Variants in CRACR2B observed in about 807,000 individuals in gnomAD.
CRACR2B encodes the protein EF-hand calcium-binding domain-containing protein 4A.
In CRACR2B, 50 loss-of-function variants were observed where a neutral mutation model predicts 46.0. The observed-to-expected ratio is 1.09, with a 90% CI of 0.87 to 1.38. The LOEUF is 1.38. CRACR2B is among the 40% of genes most tolerant of loss of function. The pLI, the probability that CRACR2B is intolerant of heterozygous loss-of-function variation, is 0.00. For missense variants in CRACR2B, 667 were observed against 535.0 expected, an observed-to-expected ratio of 1.25 and a Z score of -2.43; for synonymous variants, 277 against 239.6, an observed-to-expected ratio of 1.16 and a Z score of -1.44.
rs35878786 is a variant in CRACR2B at position 830,601 on chromosome 11, T to TGGTC, written c.694-19_694-16dup. 78,198 of 1,549,038 alleles carry TGGTC rather than the reference T, an allele frequency of 0.05. 3,021 individuals are homozygous for TGGTC. The highest frequency in any genetic ancestry group is 0.19 in the African/African-American group (14,250 of 73,106). ...GGCCGAGCGGCCGGCGGAGGCTCAG[T>TGGTC]GGTCCTCCGTGCGTCCCAGAACTTC... On this transcript the variant is annotated intron_variant, in intron 5 of 8. Transcript: ENST00000525077.
intron 3 of CRACR2B, chr11:829,743 T>C: frequency 2.0e-6 from 2 of 1,005,762 alleles, no homozygotes; most frequent in Non-Finnish European, 1.4e-6. Context: ...CAGCCAGGGC[T>C]GCAGGGAGGA....
chr11:826,956 C>A (rs1388151321), upstream of CRACR2B, among the ~76,000 whole-genome samples: 3 of 152,254 alleles, frequency 2.0e-5, no homozygotes, highest in Non-Finnish European at 4.4e-5. Context: ...TTAAGTCGGG[C>A]TCCCCCCGGA....
In CRACR2B at chr11:828,942, AGGGAGTTCTGCCT is replaced by A. The variant is rs766562819; in HGVS notation, c.260_272del (p.Glu87AlafsTer67). ...GGCTCACACTGGCTTCCTCACCGCC[AGGGAGTTCTGCCT>A]GGGCCTGGGTGAGCCTGTGGCCTGC... On this transcript the variant is annotated frameshift_variant, in exon 2 of 9. Coordinates refer to ENST00000525077, the MANE Select transcript of CRACR2B (RefSeq NM_001286606.2). LOFTEE classifies it high-confidence loss of function. The A allele has an allele frequency of 6.2e-7, 1 of 1,605,518 alleles. No homozygotes were observed. The highest frequency in any genetic ancestry group is 1.3e-5 in the African/African-American group (1 of 74,924).
In CRACR2B at chr11:827,928, G is replaced by A. The variant is rs916920670; in HGVS notation, c.-680G>A. ...AACGGGGAAGGGCCTCAGTGTTGTG[G>A]GGCAAGGGTGTTAGGTCTCGAATCT... On this transcript the variant is annotated 5_prime_UTR_variant, in exon 1 of 9. Coordinates refer to ENST00000525077, the MANE Select transcript of CRACR2B (RefSeq NM_001286606.2). Among the ~76,000 whole-genome samples the A allele has an allele frequency of 2.6e-5, 4 of 152,338 alleles. No individual in the cohort carries two copies. In the East Asian group the frequency reaches 5.8e-4, roughly 22 times the overall value.
chr11:829,016 G>A (rs1846148895), intron 2 of CRACR2B, 53 bp downstream of exon 2: 8 of 1,589,220 alleles, frequency 5.0e-6, no homozygotes, highest in Non-Finnish European at 6.8e-6. Context: ...GGCCTGATCA[G>A]GAGGCCTGGC....
At position 828,332 on chromosome 11, in the gene CRACR2B, G is replaced by C. The variant is rs898554496; in HGVS notation, c.-276G>C. 6 of 429,998 alleles carry C rather than the reference G, an allele frequency of 1.4e-5. No homozygotes were observed. The highest frequency in any genetic ancestry group is 2.5e-5 in the Non-Finnish European group (6 of 243,146). 26.6% of individuals were successfully genotyped at this position (429,998 alleles called of 1,614,324 possible). On this transcript the variant is annotated 5_prime_UTR_variant, in exon 1 of 9. Transcript: ENST00000525077. ...CTCCTGAAGTTGGCAGCCCCTCCTG[G>C]GTTCCAGCCTCCTGAGATGCCAGAC...
At position 830,132 on chromosome 11, in the gene CRACR2B, G is replaced by C. The variant is rs1425367327; in HGVS notation, c.605G>C (p.Arg202Thr). 6.5e-7 allele frequency: 1 copy of C among 1,531,912 alleles called. No individual in the cohort carries two copies. 94.9% of individuals were successfully genotyped at this position (1,531,912 alleles called of 1,614,324 possible). ...GACGGCCTGGAGCAGGCGCTGCGGA[G>C]GTGAGGGCCGGGGTGGGGTATGGGG... ...ERDGLEQALR[R>T]RESEHEREVR... Residue 202 changes from arginine to threonine, a missense_variant and splice_region_variant, in exon 4 of 9, where the codon AGG becomes ACG. Coordinates refer to ENST00000525077, the MANE Select transcript of CRACR2B (RefSeq NM_001286606.2).
intron 5 of CRACR2B, 103 bp from the exon 6 acceptor site, chr11:830,518 A>C: frequency 2.6e-6 from 4 of 1,540,630 alleles, no homozygotes; most frequent in Admixed American, 2.0e-5. Flanking sequence ...TCTCCACCCG[A>C]CCCCGCTCCG....
rs745508251 is a variant in CRACR2B at position 828,600 on chromosome 11, C to T, written c.-8C>T. ...CACCTGAAGGCCAGGCTGAGGCCCCCTGCTCTCATGGCCAGCCCTGGAAAG... is the reference window on the plus strand; with the variant it reads ...CACCTGAAGGCCAGGCTGAGGCCCCTTGCTCTCATGGCCAGCCCTGGAAAG... On this transcript the variant is annotated 5_prime_UTR_variant, in exon 1 of 9. Transcript: ENST00000525077. The T allele has an allele frequency of 4.4e-6, 7 of 1,584,350 alleles. No homozygotes were observed. The highest frequency in any genetic ancestry group is 2.0e-4 in the Middle Eastern group (1 of 4,954).
At chr11:829,158 C>G in intron 2 of CRACR2B, 195 bp downstream of exon 2, 8 of 1,306,624 alleles carry the variant, frequency 6.1e-6, no homozygotes, top group Non-Finnish European at 8.5e-6. Context: ...TCCTGGCCCC[C>G]AGCTCCTCTC....
chr11:828,079 C>T lies in CRACR2B; in HGVS notation c.-529C>T, dbSNP rs1445995168. ...GGGCAGGAGGGAGAAGTCTGCCCTG[C>T]CTGCCAGCTGTCATGAGGCTGGGCC... On this transcript the variant is annotated 5_prime_UTR_variant, in exon 1 of 9. Coordinates refer to ENST00000525077, the MANE Select transcript of CRACR2B (RefSeq NM_001286606.2). Among the ~76,000 whole-genome samples the T allele has an allele frequency of 6.6e-6, 1 of 152,104 alleles. No individual in the cohort carries two copies. Among genetic ancestry groups the T allele is most frequent in the African/African-American group, 2.4e-5 (1 of 41,402 alleles).
Position 828,407 on chromosome 11 carries a change from G to A in CRACR2B, c.-201G>A. On this transcript the variant is annotated 5_prime_UTR_variant, in exon 1 of 9. An upstream open reading frame in the 5' UTR loses its in-frame stop. Coordinates refer to ENST00000525077, the MANE Select transcript of CRACR2B (RefSeq NM_001286606.2). ...CTGAGCCTACATCAACCACCCCAGTGACACCCCAAGCCTGCAGCATTTTCC... is the reference window on the plus strand; with the variant it reads ...CTGAGCCTACATCAACCACCCCAGTAACACCCCAAGCCTGCAGCATTTTCC... 1 of 602,338 alleles carries A rather than the reference G, an allele frequency of 1.7e-6. No individual in the cohort carries two copies. Among genetic ancestry groups the A allele is most frequent in the Non-Finnish European group, 2.8e-6 (1 of 358,756 alleles). 37.3% of individuals were successfully genotyped at this position (602,338 alleles called of 1,614,324 possible).
In CRACR2B at chr11:830,130, G is replaced by A. The variant is rs1477379617; in HGVS notation, c.603G>A (p.Arg201=). 3.3e-6 allele frequency: 5 copies of A among 1,533,416 alleles called. No individual in the cohort carries two copies. Among genetic ancestry groups the A allele is most frequent in the Non-Finnish European group, 4.4e-6 (5 of 1,144,972 alleles). 95.0% of individuals were successfully genotyped at this position (1,533,416 alleles called of 1,614,324 possible). A position where few individuals can be genotyped will look rare whatever the true frequency, so the allele number is the denominator to read the frequency against. ...GCGACGGCCTGGAGCAGGCGCTGCG[G>A]AGGTGAGGGCCGGGGTGGGGTATGG... ...RERDGLEQAL[R]RRESEHEREV... The change falls in exon 4 of 9, where the codon CGG becomes CGA. Residue 201 remains arginine, a splice_region_variant and synonymous_variant. Transcript: ENST00000525077.
At chr11:827,610 G>A (rs773785982), upstream of CRACR2B, 88 of 926,446 alleles carry the variant, frequency 9.5e-5, no homozygotes, top group Non-Finnish European at 1.0e-4. Flanking sequence ...GCCGGAGGGC[G>A]GGCGAGACAA....
Position 830,328 on chromosome 11 carries a change from G to A in CRACR2B, c.684G>A (p.Pro228=), listed in dbSNP as rs1846299412. 6.5e-7 allele frequency: 1 copy of A among 1,535,064 alleles called. No individual in the cohort carries two copies. Among genetic ancestry groups the A allele is most frequent in the African/African-American group, 1.4e-5 (1 of 73,050 alleles). ...TEQLREQSRR[P]PSQNFARGER... ...AGCTTCGGGAGCAGAGCCGGCGCCC[G>A]CCGAGTCAGGTGGGCCTCGGGCCCC... is the stretch of plus-strand genomic sequence containing the variant. Residue 228 remains proline, a synonymous_variant, in exon 5 of 9, where the codon CCG becomes CCA. Coordinates refer to ENST00000525077, the MANE Select transcript of CRACR2B (RefSeq NM_001286606.2).
intron 2 of CRACR2B, 157 bp from the exon 3 acceptor site, chr11:829,203 T>G: frequency 1.4e-6 from 2 of 1,417,346 alleles, no homozygotes; most frequent in Non-Finnish European, 1.9e-6. Context: ...GGAGCTGGCC[T>G]GTCACCTCTT....
Position 829,528 on chromosome 11 carries a change from CG to C in CRACR2B, c.448del (p.Val150SerfsTer8). ...GTGCTGGAGCAGCTGGGGGTGGCCC[CG>C]GTCCTGGGCAAGTGAGTCGGCGCTG... ...HTVLEQLGVA[P>X]VLGKQRAVRT... On this transcript the variant is annotated frameshift_variant, in exon 3 of 9. Transcript: ENST00000525077. LOFTEE classifies it high-confidence loss of function. 1 of 1,587,858 alleles carries C rather than the reference CG, an allele frequency of 6.3e-7. No individual in the cohort carries two copies. Among genetic ancestry groups the C allele is most frequent in the Non-Finnish European group, 8.5e-7 (1 of 1,169,730 alleles).
intron 8 of CRACR2B, 74 bp from the exon 9 acceptor site, chr11:831,461 G>T: frequency 6.6e-7 from 1 of 1,503,958 alleles, no homozygotes. Flanking sequence ...TTCGCTCTGA[G>T]GGGAGTCGGA....
rs947384006 is a variant in CRACR2B, at chr11:831,041, G to A, written c.953+9G>A. ...CAGGAGCAAACCCAACGGTGCCGTG[G>A]GACGGGGCTGGGCGGGCCCCGGTGC... On this transcript the variant is annotated intron_variant, in intron 7 of 8. Coordinates refer to ENST00000525077, the MANE Select transcript of CRACR2B (RefSeq NM_001286606.2). The A allele has an allele frequency of 1.8e-5, 27 of 1,535,592 alleles. No individual in the cohort carries two copies. The highest frequency in any genetic ancestry group is 2.3e-5 in the Non-Finnish European group (26 of 1,146,448).
Sources: allele counts gnomAD v4.1 joint callset (sites outside exome capture counted in the v4.1 genomes callset), GRCh38; gene constraint gnomAD v4.1.1; transcripts MANE v1.5; gene names NCBI Gene and HGNC (gene_info 2026-07-23, HGNC 2026-07-21).